ZNF589: variants seen among roughly 807,000 people sequenced by gnomAD.
ZNF589 encodes KRAB-zinc finger protein SZF1-1.
ZNF589 carries 17 observed loss-of-function variants against 13.6 expected under a neutral mutation model. The observed-to-expected ratio is 1.25, with a 90% CI of 0.86 to 1.88. ZNF589 has a LOEUF of 1.88. Among genes scored for constraint, ZNF589 ranks in the 40% most tolerant of loss-of-function variants. The pLI is 0.00. For missense variants in ZNF589, 407 were observed against 434.0 expected, an observed-to-expected ratio of 0.94 and a Z score of 0.55; for synonymous variants, 148 against 161.6, an observed-to-expected ratio of 0.92 and a Z score of 0.64.
chr3:48,268,445 G>C lies in ZNF589; in HGVS notation c.754G>C (p.Glu252Gln). 6.2e-7 allele frequency: 1 copy of C among 1,614,212 alleles called. No homozygotes were observed. The stretch of plus-strand genomic sequence containing the variant: ...CAAAAGGCAGTCACAGGTGTGCAGG[G>C]AGTGTGGGCGAGGCTTTAGCAGGAA... ...SDKRQSQVCR[E>Q]CGRGFSRKSQ... is the part of the protein sequence containing the mutation. Residue 252 changes from glutamate (E) to glutamine (Q), a missense_variant, in exon 4 of 4, where the codon GAG (glutamate) becomes CAG (glutamine). By Grantham distance (29) the Glu-to-Gln change is conservative. Transcript: ENST00000354698.
Position 48,270,740 on chromosome 3 carries a change from A to G in ZNF589, c.*1954A>G, listed in dbSNP as rs1294375886. On this transcript the variant is annotated 3_prime_UTR_variant, in exon 4 of 4. Coordinates refer to ENST00000354698, the MANE Select transcript of ZNF589 (RefSeq NM_016089.3). ...CTTGGTTTTGATGCTAGAGAGGAAA[A>G]AGGACTTGGAGAGAGAGAAGGAATG... 6.0e-6 allele frequency: 1 copy of G among 166,874 alleles called. No homozygotes were observed. Among genetic ancestry groups the G allele is most frequent in the Non-Finnish European group, 1.3e-5 (1 of 76,434 alleles). 10.3% of individuals were successfully genotyped at this position (166,874 alleles called of 1,614,324 possible).
At chr3:48,242,458 G>A (rs1412104698) in intron 1 of ZNF589, among the ~76,000 whole-genome samples, 1 of 151,750 alleles carries the variant, frequency 6.6e-6, no homozygotes, top group South Asian at 2.1e-4. Context: ...GAACAGGGCT[G>A]GGCAAATTTT....
Position 48,270,327 on chromosome 3 carries a change from C to G in ZNF589, c.*1541C>G. On this transcript the variant is annotated 3_prime_UTR_variant, in exon 4 of 4. Transcript: ENST00000354698. ...GACTCAGGACTTAAACATAGCCACG[C>G]CACCTTGGCCTTCAATGACAGGGAT... is the stretch of plus-strand genomic sequence containing the variant. 2.4e-6 allele frequency: 1 copy of G among 422,352 alleles called. No individual in the cohort carries two copies. Among genetic ancestry groups the G allele is most frequent in the South Asian group, 1.7e-5 (1 of 59,086 alleles). The allele number at this position is 422,352 out of a possible 1,614,324, so 26.2% of individuals were successfully genotyped here.
intron 2 of ZNF589, among the ~76,000 whole-genome samples, chr3:48,259,967 AC>A (rs2033951697): frequency 6.6e-6 from 1 of 151,872 alleles, no homozygotes; most frequent in African/African-American, 2.4e-5. Context: ...GTCATGGAAT[AC>A]CCATAGGCTG....
chr3:48,247,335 T>C (rs573825468), intron 1 of ZNF589, among the ~76,000 whole-genome samples: 1 of 152,138 alleles, frequency 6.6e-6, no homozygotes, highest in African/African-American at 2.4e-5. Context: ...GGGGAAATGA[T>C]GCCTTGTCTC....
Position 48,268,864 on chromosome 3 carries a change from A to G in ZNF589, c.*78A>G, listed in dbSNP as rs929295169. 1.2e-5 allele frequency: 18 copies of G among 1,500,276 alleles called. No homozygotes were observed. The highest frequency in any genetic ancestry group is 5.7e-5 in the African/African-American group (4 of 70,664). The allele number at this position is 1,500,276 out of a possible 1,614,324, so 92.9% of individuals were successfully genotyped here. Reference sequence around the variant, plus strand: ...CAGATGAGAAGCCTTTTGTTTGCAGAGAGTGTGGGCGAGGCTTTCGTGCTA... The same window carrying G: ...CAGATGAGAAGCCTTTTGTTTGCAGGGAGTGTGGGCGAGGCTTTCGTGCTA... On this transcript the variant is annotated 3_prime_UTR_variant, in exon 4 of 4. Transcript: ENST00000354698.
At position 48,252,696 on chromosome 3, in the gene ZNF589, A is replaced by G. The variant is rs1323628797; in HGVS notation, c.96+5019A>G. Among the ~76,000 whole-genome samples, 8 of 131,588 alleles carry G rather than the reference A, an allele frequency of 6.1e-5. No individual in the cohort carries two copies. The South Asian group carries it at 1.8e-3, about 30-fold the overall frequency. 86.3% of individuals were successfully genotyped at this position (131,588 alleles called of 152,430 possible). A position where few individuals can be genotyped will look rare whatever the true frequency, so the allele number is the denominator to read the frequency against. On this transcript the variant is annotated intron_variant, in intron 2 of 3. Transcript: ENST00000354698. ...GAGTGCAGTGGCAGGATCTCGGCTCACTGCAGGCTCCGCCCCCTGGGGTTC... is the reference window on the plus strand; with the variant it reads ...GAGTGCAGTGGCAGGATCTCGGCTCGCTGCAGGCTCCGCCCCCTGGGGTTC...
intron 2 of ZNF589, among the ~76,000 whole-genome samples, chr3:48,253,832 C>T (rs2033867699): frequency 6.6e-6 from 1 of 152,140 alleles, no homozygotes; most frequent in Non-Finnish European, 1.5e-5. Flanking sequence ...TTGTCCCTTA[C>T]TTGGGATTTG....
rs940145149 is a variant in ZNF589, at chr3:48,258,019, C to T, written c.97-2794C>T. 16 of 409,598 alleles carry T rather than the reference C, an allele frequency of 3.9e-5. No homozygotes were observed. In the Admixed American group the frequency reaches 5.4e-4, roughly 14 times the overall value. 25.4% of individuals were successfully genotyped at this position (409,598 alleles called of 1,614,324 possible). On this transcript the variant is annotated intron_variant, in intron 2 of 3. Coordinates refer to ENST00000354698, the MANE Select transcript of ZNF589 (RefSeq NM_016089.3). ...TACTTTGTTCTTCTAGTTTCTTTGC[C>T]TTATCATATATATTAGGATAAGTTG...
intron 2 of ZNF589, among the ~76,000 whole-genome samples, chr3:48,250,122 C>T (rs1341428457): frequency 6.8e-6 from 1 of 147,842 alleles, no homozygotes. Context: ...AGCAAGACTC[C>T]ATTTCAAAAA....
rs796104127 is a variant in ZNF589 at position 48,254,869 on chromosome 3, T to A, written c.97-5944T>A. On this transcript the variant is annotated intron_variant, in intron 2 of 3. Coordinates refer to ENST00000354698, the MANE Select transcript of ZNF589 (RefSeq NM_016089.3). ...TATTAGTTCCAAGGTTTTTTTTTTT[T>A]ATTTCTTTTTGTAGATTCTCTGGAA... Among the ~76,000 whole-genome samples, 17 of 152,166 alleles carry A rather than the reference T, an allele frequency of 1.1e-4. No individual in the cohort carries two copies. In the East Asian group the frequency reaches 2.1e-3, roughly 19 times the overall value.
In ZNF589 at chr3:48,268,972, G is replaced by C; in HGVS notation, c.*186G>C. ...AGGAGTGTGGGCATGGATTTAGCCA[G>C]AAGTCGTCGCTCAAATCACATCGGA... On this transcript the variant is annotated 3_prime_UTR_variant, in exon 4 of 4. Coordinates refer to ENST00000354698, the MANE Select transcript of ZNF589 (RefSeq NM_016089.3). 1 of 898,590 alleles carries C rather than the reference G, an allele frequency of 1.1e-6. No homozygotes were observed. Among genetic ancestry groups the C allele is most frequent in the Non-Finnish European group, 1.7e-6 (1 of 587,134 alleles). 55.7% of individuals were successfully genotyped at this position (898,590 alleles called of 1,614,324 possible). A position where few individuals can be genotyped will look rare whatever the true frequency, so the allele number is the denominator to read the frequency against.
chr3:48,242,103 C>A (rs1321622327), intron 1 of ZNF589, among the ~76,000 whole-genome samples: 1 of 151,858 alleles, frequency 6.6e-6, no homozygotes, highest in Non-Finnish European at 1.5e-5. Context: ...TTAGCCACCC[C>A]ACCCGGCCCA....
chr3:48,244,621 G>C (rs1332188332), intron 1 of ZNF589, among the ~76,000 whole-genome samples: 1 of 151,794 alleles, frequency 6.6e-6, no homozygotes, highest in Admixed American at 6.6e-5. Flanking sequence ...AAAAGCCAGA[G>C]TTGTTGCTGG....
At position 48,268,575 on chromosome 3, in the gene ZNF589, TGA is replaced by T. The variant is rs1401711411; in HGVS notation, c.886_887del (p.Ser296TyrfsTer18). 108 of 1,610,030 alleles carry T rather than the reference TGA, an allele frequency of 6.7e-5. No homozygotes were observed. Among genetic ancestry groups the T allele is most frequent in the Non-Finnish European group, 9.0e-5 (106 of 1,178,996 alleles). ...GTTGAGTCAGTCCTCCGCAACCACC[TGA>T]GTACACACTCCGGGGAGAAACCTTA... On this transcript the variant is annotated frameshift_variant, in exon 4 of 4. Coordinates refer to ENST00000354698, the MANE Select transcript of ZNF589 (RefSeq NM_016089.3). LOFTEE classifies it low-confidence loss of function (END_TRUNC).
intron 2 of ZNF589, among the ~76,000 whole-genome samples, chr3:48,260,357 C>T (rs1363571789): frequency 6.6e-6 from 1 of 152,032 alleles, no homozygotes; most frequent in Non-Finnish European, 1.5e-5. Flanking sequence ...TCAGGCTAGT[C>T]TTGAACTCTT....
chr3:48,262,864 A>G (rs1221009396), intron 3 of ZNF589, among the ~76,000 whole-genome samples: 1 of 152,214 alleles, frequency 6.6e-6, no homozygotes, highest in Non-Finnish European at 1.5e-5. Context: ...ATGAAAAAAA[A>G]ATACATCACT....
intron 2 of ZNF589, among the ~76,000 whole-genome samples, chr3:48,259,629 A>G (rs1354271321): frequency 6.6e-6 from 1 of 152,174 alleles, no homozygotes; most frequent in African/African-American, 2.4e-5. Flanking sequence ...ATAATGTGCA[A>G]CTGTTCCCAA....
At chr3:48,254,902 TG>T (rs1354664554) in intron 2 of ZNF589, among the ~76,000 whole-genome samples, 1 of 152,144 alleles carries the variant, frequency 6.6e-6, no homozygotes, top group Non-Finnish European at 1.5e-5. Context: ...GAATTTCCTA[TG>T]TAGACAGTCA....
Sources: allele counts gnomAD v4.1 joint callset (sites outside exome capture counted in the v4.1 genomes callset), GRCh38; gene constraint gnomAD v4.1.1; transcripts MANE v1.5; gene names NCBI Gene and HGNC (gene_info 2026-07-23, HGNC 2026-07-21).